THADA: variants seen among roughly 807,000 people sequenced by gnomAD.
THADA encodes THADA armadillo repeat containing.
THADA carries 213 observed loss-of-function variants against 219.8 expected under a neutral mutation model. That is an observed-to-expected ratio of 0.97 (90% CI 0.87 to 1.09). The LOEUF (loss-of-function observed/expected upper bound fraction) is 1.09. Ranked by LOEUF, THADA falls within the 50% of genes least tolerant of loss-of-function variation. The pLI is 0.00. For synonymous variants in THADA, 1,018 were observed against 828.9 expected (o/e 1.23, Z -3.92); for missense variants, 2,956 against 2,311.3 (o/e 1.28, Z -5.72).
At chr2:43,243,618 C>T (rs1467596934) in intron 36 of THADA, among the ~76,000 whole-genome samples, 1 of 152,112 alleles carries the variant, frequency 6.6e-6, no homozygotes, top group Non-Finnish European at 1.5e-5. Flanking sequence ...TCACCAGCTC[C>T]TGGGCAGAGA....
intron 26 of THADA, among the ~76,000 whole-genome samples, chr2:43,449,063 A>G (rs1045317248): frequency 6.6e-6 from 1 of 152,306 alleles, no homozygotes; most frequent in Non-Finnish European, 1.5e-5. Context: ...AAAAACTAAA[A>G]GAAGACATGG....
intron 26 of THADA, among the ~76,000 whole-genome samples, chr2:43,471,920 A>G (rs1684952564): frequency 6.6e-6 from 1 of 152,220 alleles, no homozygotes; most frequent in Admixed American, 6.5e-5. Context: ...GTTGATCCTT[A>G]ATACATAATG....
chr2:43,408,731 A>G (rs1675908817), intron 28 of THADA, among the ~76,000 whole-genome samples: 1 of 152,260 alleles, frequency 6.6e-6, no homozygotes, highest in African/African-American at 2.4e-5. Context: ...CCCTTCAAAA[A>G]CAAAATTCAA....
At chr2:43,241,356 T>C (rs1165716626) in intron 36 of THADA, among the ~76,000 whole-genome samples, 1 of 151,864 alleles carries the variant, frequency 6.6e-6, no homozygotes, top group Non-Finnish European at 1.5e-5. Flanking sequence ...CCCAAGGTGC[T>C]AGGATTACTG....
intron 25 of THADA, among the ~76,000 whole-genome samples, chr2:43,490,017 G>A (rs529455422): frequency 6.4e-4 from 98 of 151,980 alleles, no homozygotes; most frequent in Non-Finnish European, 1.1e-3. Context: ...ATTTATTTAG[G>A]CCTATAATTT....
At chr2:43,513,506 C>T (rs1013264204) in intron 22 of THADA, among the ~76,000 whole-genome samples, 7 of 152,154 alleles carry the variant, frequency 4.6e-5, no homozygotes, top group African/African-American at 7.2e-5. Flanking sequence ...TGAAAAAGGG[C>T]TACTGCCAGA....
intron 19 of THADA, 91 bp downstream of exon 19, chr2:43,551,698 T>G: frequency 8.3e-7 from 1 of 1,212,112 alleles, no homozygotes; most frequent in Non-Finnish European, 1.1e-6. Flanking sequence ...CTTTTATATC[T>G]CCCCAAAGAA....
intron 29 of THADA, among the ~76,000 whole-genome samples, chr2:43,370,695 G>T (rs983204660): frequency 1.3e-5 from 2 of 152,140 alleles, no homozygotes; most frequent in African/African-American, 4.8e-5. Context: ...TTCAACAAGG[G>T]TGTATCACAG....
intron 26 of THADA, among the ~76,000 whole-genome samples, chr2:43,439,498 A>T (rs1680578309): frequency 1.3e-5 from 2 of 152,324 alleles, no homozygotes. Context: ...GCCATTAGTC[A>T]TTTAGTAGCC....
At chr2:43,529,831 G>A (rs1693637817) in intron 21 of THADA, among the ~76,000 whole-genome samples, 1 of 152,130 alleles carries the variant, frequency 6.6e-6, no homozygotes, top group Non-Finnish European at 1.5e-5. Context: ...ATAAACAGTA[G>A]AATAAGTAGT....
At chr2:43,294,645 C>A (rs533993590) in intron 31 of THADA, among the ~76,000 whole-genome samples, 1 of 152,134 alleles carries the variant, frequency 6.6e-6, no homozygotes, top group African/African-American at 2.4e-5. Flanking sequence ...AGGTCAGGGG[C>A]CCATTTTCAC....
chr2:43,470,996 A>T (rs1684842962), intron 26 of THADA, among the ~76,000 whole-genome samples: 1 of 152,212 alleles, frequency 6.6e-6, no homozygotes, highest in African/African-American at 2.4e-5. Context: ...GACCGTAGTA[A>T]GAAAAAATAA....
At chr2:43,412,804 G>C (rs1676458651) in intron 28 of THADA, among the ~76,000 whole-genome samples, 1 of 152,052 alleles carries the variant, frequency 6.6e-6, no homozygotes, top group Non-Finnish European at 1.5e-5. Flanking sequence ...GAAGGTCAGG[G>C]CTTGTTTTTA....
intron 36 of THADA, among the ~76,000 whole-genome samples, chr2:43,261,770 G>C (rs557255782): frequency 6.6e-6 from 1 of 151,948 alleles, no homozygotes; most frequent in East Asian, 1.9e-4. Context: ...CCACGTAGCT[G>C]AGATTACAGG....
intron 29 of THADA, among the ~76,000 whole-genome samples, chr2:43,364,345 T>C (rs1046303389): frequency 1.3e-5 from 2 of 152,238 alleles, no homozygotes; most frequent in Non-Finnish European, 2.9e-5. Flanking sequence ...TGTATTACTC[T>C]AAAACGATTT....
intron 22 of THADA, among the ~76,000 whole-genome samples, chr2:43,525,740 C>T (rs1273269390): frequency 6.6e-6 from 1 of 152,178 alleles, no homozygotes; most frequent in East Asian, 1.9e-4. Context: ...TGTTGAGATA[C>T]AAAACCATGA....
chr2:43,531,104 C>T (rs929362941), intron 21 of THADA, among the ~76,000 whole-genome samples: 1 of 152,336 alleles, frequency 6.6e-6, no homozygotes, highest in South Asian at 2.1e-4. Flanking sequence ...AACAAGATGC[C>T]TGTCCTCAGC....
rs553580649 is a variant in THADA, at chr2:43,255,451, T to C, written c.5297-22569A>G. Among the ~76,000 whole-genome samples, 8 of 152,340 alleles carry C rather than the reference T, an allele frequency of 5.3e-5. No homozygotes were observed. The East Asian group carries it at 1.2e-3, about 22-fold the overall frequency. On this transcript the variant is annotated intron_variant, in intron 36 of 37. Transcript: ENST00000405975. ...TGATCCTGTTCCTGCCTTCTTTCCCTGACATGAATTTCCACGGGTGTGGCT... is the reference window on the plus strand; with the variant it reads ...TGATCCTGTTCCTGCCTTCTTTCCCCGACATGAATTTCCACGGGTGTGGCT...
chr2:43,235,861 C>T (rs1180669679), intron 36 of THADA, among the ~76,000 whole-genome samples: 4 of 151,764 alleles, frequency 2.6e-5, no homozygotes, highest in Non-Finnish European at 4.4e-5. Context: ...GGCTGGAGTG[C>T]AGTGGCGGGA....
Sources: allele counts gnomAD v4.1 joint callset (sites outside exome capture counted in the v4.1 genomes callset), GRCh38; gene constraint gnomAD v4.1.1; transcripts MANE v1.5; gene names NCBI Gene and HGNC (gene_info 2026-07-23, HGNC 2026-07-21).